The following CELF2 variants were observed in gnomAD, a reference collection of about 807,000 sequenced individuals.
CELF2 encodes the protein CUG triplet repeat RNA-binding protein 2.
Under a neutral mutation model 62.6 loss-of-function variants are expected in CELF2, and 8 were observed. That is an observed-to-expected ratio of 0.13 (90% CI 0.07 to 0.23). The LOEUF (loss-of-function observed/expected upper bound fraction) is 0.23, where lower values mean the gene tolerates loss of function less well. CELF2 is among the 10% of genes least tolerant of loss of function. CELF2 has a pLI of 1.00. For missense variants in CELF2, 333 were observed against 671.0 expected (o/e 0.50, Z 5.56); for synonymous variants, 258 against 250.0 (o/e 1.03, Z -0.30).
the CELF2 span, among the ~76,000 whole-genome samples, chr10:10,731,253 C>A: frequency 6.6e-6 from 1 of 151,910 alleles, no homozygotes; most frequent in Non-Finnish European, 1.5e-5. Flanking sequence ...AACACACACA[C>A]ACACACACAC....
intron 9 of CELF2, among the ~76,000 whole-genome samples, chr10:11,298,016 T>C (rs1231651709): frequency 6.6e-6 from 1 of 152,190 alleles, no homozygotes; most frequent in Admixed American, 6.5e-5. Flanking sequence ...TCTGTAAAAG[T>C]ACTGGGGTCA....
the CELF2 span, among the ~76,000 whole-genome samples, chr10:10,697,445 T>A: frequency 3.3e-5 from 5 of 152,114 alleles, no homozygotes; most frequent in African/African-American, 1.2e-4. Flanking sequence ...CGGAGACCAG[T>A]CTGTGGGCAT....
the CELF2 span, among the ~76,000 whole-genome samples, chr10:10,736,396 C>CTTTCTTTCTTTTTT: frequency 4.5e-4 from 34 of 75,978 alleles, no homozygotes; most frequent in Middle Eastern, 6.9e-3. Flanking sequence ...TTCTTTCTTT[C>CTTTCTTTCTTTTTT]TTTTTTTTTT....
chr10:11,182,212 C>G (rs1165957875), intron 2 of CELF2, among the ~76,000 whole-genome samples: 1 of 152,204 alleles, frequency 6.6e-6, no homozygotes, highest in East Asian at 1.9e-4. Context: ...CACTGCAGTT[C>G]TCAGGAACAA....
the CELF2 span, among the ~76,000 whole-genome samples, chr10:10,640,962 T>C: frequency 2.6e-5 from 4 of 152,146 alleles, no homozygotes; most frequent in Non-Finnish European, 2.9e-5. Context: ...AAGAGATCTG[T>C]ACTGGCTATA....
the CELF2 span, among the ~76,000 whole-genome samples, chr10:10,729,567 A>G: frequency 3.1e-4 from 47 of 152,276 alleles, no homozygotes; most frequent in Non-Finnish European, 4.9e-4. Context: ...AGATCGCACC[A>G]CTACACTCCA....
chr10:10,893,915 T>C (rs956459990), intron 1 of CELF2, among the ~76,000 whole-genome samples: 3 of 152,122 alleles, frequency 2.0e-5, no homozygotes, highest in Admixed American at 1.3e-4. Context: ...GGGGTTACAA[T>C]TGAACACGAG....
rs1159257517 is a variant in CELF2, at chr10:10,997,587, G to A, written c.89+77588G>A. Among the ~76,000 whole-genome samples, 1 of 152,218 alleles carries A rather than the reference G, an allele frequency of 6.6e-6. No homozygotes were observed. The highest frequency in any genetic ancestry group is 2.4e-5 in the African/African-American group (1 of 41,466). On this transcript the variant is annotated intron_variant, in intron 2 of 13. Transcript: ENST00000636488. This position sits in a 1 kb window ranked among gnomAD's most constrained non-coding sequence, Gnocchi z 5.3. ...CGTTTGGATCCCAGATAATGGTCGA[G>A]TAACGTAGTTTCTCTGACCTGGCAC...
chr10:10,994,374 C>T (rs982030734), intron 2 of CELF2, among the ~76,000 whole-genome samples: 1 of 152,168 alleles, frequency 6.6e-6, no homozygotes, highest in African/African-American at 2.4e-5. Context: ...TTCTCATTTA[C>T]TGATCCAGAA....
chr10:10,503,076 T>C, the CELF2 span, among the ~76,000 whole-genome samples: 1 of 151,990 alleles, frequency 6.6e-6, no homozygotes, highest in African/African-American at 2.4e-5. Flanking sequence ...TTGATTGCAT[T>C]GTGATTAGAG....
intron 1 of CELF2, among the ~76,000 whole-genome samples, chr10:10,843,234 A>C (rs1172941539): frequency 6.6e-6 from 1 of 152,012 alleles, no homozygotes; most frequent in Non-Finnish European, 1.5e-5. Flanking sequence ...GGTGGTTATT[A>C]ATCTTTTCAA....
intron 3 of CELF2, among the ~76,000 whole-genome samples, chr10:11,238,369 C>T (rs1356725671): frequency 6.6e-6 from 1 of 152,168 alleles, no homozygotes; most frequent in Non-Finnish European, 1.5e-5. Context: ...TGAATCTTTC[C>T]ATTTATCTCC....
chr10:10,727,714 TG>T, the CELF2 span, among the ~76,000 whole-genome samples: 8 of 151,182 alleles, frequency 5.3e-5, no homozygotes, highest in African/African-American at 1.9e-4. Flanking sequence ...AGGCGGATGT[TG>T]CAGTGAGCTG....
At chr10:10,588,712 G>A in the CELF2 span, among the ~76,000 whole-genome samples, 2 of 152,204 alleles carry the variant, frequency 1.3e-5, no homozygotes, top group Admixed American at 1.3e-4. Context: ...AATAGGTCAA[G>A]GGGTAAAAAG....
At chr10:10,904,736 C>A (rs565219674) in intron 1 of CELF2, among the ~76,000 whole-genome samples, 1 of 152,292 alleles carries the variant, frequency 6.6e-6, no homozygotes, top group African/African-American at 2.4e-5. Flanking sequence ...TAACCCCATA[C>A]TCCTGAGAAA....
intron 1 of CELF2, among the ~76,000 whole-genome samples, chr10:10,849,455 A>C (rs971181232): frequency 2.0e-5 from 3 of 151,364 alleles, no homozygotes; most frequent in Non-Finnish European, 4.4e-5. Context: ...AAAGAATACT[A>C]TACACTCTTT....
chr10:11,265,852 C>T lies in CELF2; in HGVS notation c.539-746C>T, dbSNP rs143877961. On this transcript the variant is annotated intron_variant, in intron 5 of 12. Transcript: ENST00000633077. ...TAGAACTAAGGTCAAATCTTTGATA[C>T]GTTTCAGAAATTGACAAGTCTCAAA... 7.9e-5 allele frequency among the ~76,000 whole-genome samples: 12 copies of T among 152,244 alleles called. No homozygotes were observed. In the East Asian group the frequency reaches 9.6e-4, roughly 12 times the overall value.
At chr10:10,780,518 G>T in the CELF2 span, among the ~76,000 whole-genome samples, 4 of 152,098 alleles carry the variant, frequency 2.6e-5, no homozygotes, top group Admixed American at 6.5e-5. Flanking sequence ...GTCTCGCTCT[G>T]TTGCCTGGCT....
At position 11,217,223 on chromosome 10, in the gene CELF2, A is replaced by G. The variant is rs951281095; in HGVS notation, c.272-202A>G. 2.6e-5 allele frequency among the ~76,000 whole-genome samples: 4 copies of G among 152,210 alleles called. No individual in the cohort carries two copies. The highest frequency in any genetic ancestry group is 9.7e-5 in the African/African-American group (4 of 41,450). Reference sequence around the variant, plus strand: ...GCACAGAGTCAGGAATTGATCTCCAACGTGGGTAAAGCTAATAAATATGAT... The same window carrying G: ...GCACAGAGTCAGGAATTGATCTCCAGCGTGGGTAAAGCTAATAAATATGAT... On this transcript the variant is annotated intron_variant, in intron 2 of 12. Transcript: ENST00000633077. The surrounding 1 kb of genome is among the most constrained non-coding windows in gnomAD (Gnocchi z 5.6).
Sources: gnomAD v4.1 joint callset for allele counts (sites outside exome capture counted in the v4.1 genomes callset) on GRCh38, gnomAD v4.1.1 for gene constraint, Gnocchi (gnomAD v3.1) non-coding constraint, MANE v1.5 for transcripts, NCBI Gene and HGNC (gene_info 2026-07-23, HGNC 2026-07-21) for gene names.